The following DCLK2 variants were observed in gnomAD, a reference collection of about 807,000 sequenced individuals.
DCLK2 encodes serine/threonine-protein kinase DCLK2.
Under a neutral mutation model 78.4 loss-of-function variants are expected in DCLK2, and 31 were observed. The ratio of observed to expected loss-of-function variants is 0.40; its 90% CI spans 0.30 to 0.53. The LOEUF (loss-of-function observed/expected upper bound fraction) is 0.53, where lower values mean the gene tolerates loss of function less well. DCLK2 is among the 20% of genes least tolerant of loss of function. The pLI is 0.61. For synonymous variants in DCLK2, 407 were observed against 374.9 expected, an observed-to-expected ratio of 1.09 and a Z score of -0.99; for missense variants, 872 against 973.7, an observed-to-expected ratio of 0.90 and a Z score of 1.39.
intron 5 of DCLK2, among the ~76,000 whole-genome samples, chr4:150,217,813 CAT>C (rs1452551573): frequency 1.3e-5 from 2 of 152,184 alleles, no homozygotes; most frequent in Admixed American, 1.3e-4. Flanking sequence ...AATAAACAAA[CAT>C]ATTTGGTTAA....
intron 6 of DCLK2, among the ~76,000 whole-genome samples, chr4:150,221,420 A>G (rs1580743930): frequency 6.6e-6 from 1 of 151,760 alleles, no homozygotes; most frequent in East Asian, 1.9e-4. Flanking sequence ...CTTTTTACCT[A>G]AGGCTAATCA....
intron 3 of DCLK2, among the ~76,000 whole-genome samples, chr4:150,197,655 T>G (rs556127456): frequency 9.2e-5 from 14 of 152,248 alleles, no homozygotes; most frequent in African/African-American, 2.9e-4. Context: ...CTTGGGAGGC[T>G]GAGGCAAGAG....
chr4:150,132,993 A>G (rs1560799013), intron 2 of DCLK2, among the ~76,000 whole-genome samples: 1 of 152,228 alleles, frequency 6.6e-6, no homozygotes, highest in Non-Finnish European at 1.5e-5. Context: ...AAGCCACCAT[A>G]GTTAATGTAT....
intron 2 of DCLK2, among the ~76,000 whole-genome samples, chr4:150,168,997 A>G (rs1199351323): frequency 6.6e-6 from 1 of 152,072 alleles, no homozygotes; most frequent in Admixed American, 6.6e-5. Context: ...GTGTTCCTTA[A>G]TACTACAAAG....
intron 2 of DCLK2, among the ~76,000 whole-genome samples, chr4:150,115,588 T>C (rs1732020079): frequency 6.6e-6 from 1 of 152,146 alleles, no homozygotes; most frequent in Non-Finnish European, 1.5e-5. Context: ...CTGACTTGGC[T>C]CTTGGTTCTT....
intron 2 of DCLK2, among the ~76,000 whole-genome samples, chr4:150,130,961 G>A (rs888332182): frequency 1.3e-5 from 2 of 152,128 alleles, no homozygotes; most frequent in Admixed American, 6.5e-5. Context: ...TTCCTAAGGG[G>A]CCACTAAATG....
intron 12 of DCLK2, among the ~76,000 whole-genome samples, chr4:150,240,785 A>G (rs547908073): frequency 1.2e-4 from 17 of 145,498 alleles, no homozygotes; most frequent in African/African-American, 4.2e-4. Flanking sequence ...AAAAAATCAG[A>G]AAAAAAAAAT....
intron 2 of DCLK2, among the ~76,000 whole-genome samples, chr4:150,189,004 A>C (rs72732416): frequency 6.6e-6 from 1 of 151,990 alleles, no homozygotes; most frequent in South Asian, 2.1e-4. Context: ...CTTCTATTCC[A>C]GATAGTACCT....
At chr4:150,231,076 C>T (rs1485238529) in intron 8 of DCLK2, among the ~76,000 whole-genome samples, 1 of 152,174 alleles carries the variant, frequency 6.6e-6, no homozygotes, top group East Asian at 1.9e-4. Flanking sequence ...TTGAAGAATT[C>T]CAACTTGGCA....
chr4:150,200,067 A>G (rs1316784280), intron 4 of DCLK2, among the ~76,000 whole-genome samples: 1 of 152,228 alleles, frequency 6.6e-6, no homozygotes, highest in African/African-American at 2.4e-5. Context: ...ATCGGGTGTG[A>G]TTAATTCAAT....
At chr4:150,132,756 C>G (rs777928085) in intron 2 of DCLK2, among the ~76,000 whole-genome samples, 4 of 152,106 alleles carry the variant, frequency 2.6e-5, no homozygotes, top group Non-Finnish European at 5.9e-5. Context: ...CTTCACCCAG[C>G]TAATTTTTAA....
chr4:150,242,213 C>T (rs940021736), intron 12 of DCLK2, among the ~76,000 whole-genome samples: 2 of 152,286 alleles, frequency 1.3e-5, no homozygotes, highest in East Asian at 3.9e-4. Flanking sequence ...AGACACACCT[C>T]ACAAGACTAT....
intron 1 of DCLK2, among the ~76,000 whole-genome samples, chr4:150,090,465 T>G (rs1729979196): frequency 6.6e-6 from 1 of 152,076 alleles, no homozygotes; most frequent in South Asian, 2.1e-4. Context: ...CAATGAAAAT[T>G]CCCATAGTGA....
At chr4:150,242,767 G>A (rs1036853791) in intron 12 of DCLK2, among the ~76,000 whole-genome samples, 5 of 152,206 alleles carry the variant, frequency 3.3e-5, no homozygotes, top group Admixed American at 1.3e-4. Flanking sequence ...TTGATGTGCC[G>A]TTAAGCAAAT....
chr4:150,175,216 T>TATA (rs1336065422), intron 2 of DCLK2, among the ~76,000 whole-genome samples: 37 of 76,506 alleles, frequency 4.8e-4, no homozygotes, highest in East Asian at 3.1e-3. Flanking sequence ...TATATATATT[T>TATA]ATCTATATAT....
chr4:150,145,489 A>G (rs896475579), intron 2 of DCLK2, among the ~76,000 whole-genome samples: 2 of 152,216 alleles, frequency 1.3e-5, no homozygotes, highest in African/African-American at 4.8e-5. Flanking sequence ...ATACTTTTTT[A>G]AAGCCCAAGT....
intron 2 of DCLK2, among the ~76,000 whole-genome samples, chr4:150,169,245 T>C (rs1314837108): frequency 1.3e-5 from 2 of 152,208 alleles, no homozygotes; most frequent in Admixed American, 1.3e-4. Flanking sequence ...CTGAACTGAC[T>C]GATGCTTTAG....
At chr4:150,239,503 G>T (rs993369517) in intron 10 of DCLK2, among the ~76,000 whole-genome samples, 1 of 152,020 alleles carries the variant, frequency 6.6e-6, no homozygotes, top group East Asian at 1.9e-4. Flanking sequence ...TGGGGGTTCC[G>T]TGGGGGAAGG....
intron 2 of DCLK2, among the ~76,000 whole-genome samples, chr4:150,120,267 C>T (rs1363062223): frequency 6.6e-6 from 1 of 152,162 alleles, no homozygotes; most frequent in East Asian, 1.9e-4. Context: ...CTATTATAAA[C>T]TGTGGTTCTT....
Sources: gnomAD v4.1 joint callset for allele counts (sites outside exome capture counted in the v4.1 genomes callset) on GRCh38, gnomAD v4.1.1 for gene constraint, MANE v1.5 for transcripts, NCBI Gene and HGNC (gene_info 2026-07-23, HGNC 2026-07-21) for gene names.